The following DMD variants were observed in gnomAD, a reference collection of about 807,000 sequenced individuals.
The protein encoded by DMD is mutant dystrophin.
DMD carries 63 observed loss-of-function variants against 330.1 expected under a neutral mutation model. The observed-to-expected ratio is 0.19, with a 90% CI of 0.16 to 0.24. DMD has a LOEUF of 0.24. Among genes scored for constraint, DMD ranks in the 10% least tolerant of loss-of-function variants. The pLI, the probability that DMD is intolerant of heterozygous loss-of-function variation, is 1.00. For missense variants in DMD, 3,344 were observed against 2,684.1 expected, an observed-to-expected ratio of 1.25 and a Z score of -5.43; for synonymous variants, 1,223 against 959.8, an observed-to-expected ratio of 1.27 and a Z score of -5.07.
intron 43 of DMD, among the ~76,000 whole-genome samples, chrX:32,241,177 G>T (rs891060445): frequency 8.9e-6 from 1 of 112,029 alleles, no homozygotes; most frequent in Non-Finnish European, 1.9e-5. Flanking sequence ...TCTATTGGAG[G>T]TCCATGTTCA....
chrX:31,282,394 C>T (rs1033829950), intron 62 of DMD, among the ~76,000 whole-genome samples: 1 of 111,094 alleles, frequency 9.0e-6, no homozygotes, highest in Non-Finnish European at 1.9e-5. Context: ...CTCTACCTTC[C>T]TACCCTTTGA....
intron 11 of DMD, among the ~76,000 whole-genome samples, chrX:32,642,592 C>G (rs755851258): frequency 8.9e-6 from 1 of 111,897 alleles, no homozygotes; most frequent in South Asian, 3.7e-4. Context: ...GAATGAACAT[C>G]TTTTTAAATG....
chrX:31,571,147 T>C, intron 55 of DMD, among the ~76,000 whole-genome samples: 1 of 111,352 alleles, frequency 9.0e-6, no homozygotes, highest in Non-Finnish European at 1.9e-5. Context: ...CTCAATAGCA[T>C]TGTTAAATAA....
chrX:31,481,336 T>C (rs1015319301), intron 57 of DMD, among the ~76,000 whole-genome samples: 2 of 111,755 alleles, frequency 1.8e-5, no homozygotes, highest in South Asian at 3.8e-4. Flanking sequence ...ATACAGAGTA[T>C]GTATTTGAGA....
intron 48 of DMD, among the ~76,000 whole-genome samples, chrX:31,863,226 C>T (rs924500761): frequency 2.7e-5 from 3 of 112,210 alleles, no homozygotes; most frequent in African/African-American, 9.7e-5. Flanking sequence ...GCCTGTAGTC[C>T]CAGCTGCTCG....
At chrX:33,105,111 A>G (rs1253866496) in intron 1 of DMD, among the ~76,000 whole-genome samples, 1 of 112,248 alleles carries the variant, frequency 8.9e-6, no homozygotes, top group African/African-American at 3.2e-5. Context: ...TAGAGAAGCC[A>G]GAAGTGAAGC....
intron 7 of DMD, among the ~76,000 whole-genome samples, chrX:32,741,281 T>C (rs1215315325): frequency 2.7e-5 from 3 of 111,684 alleles, no homozygotes; most frequent in African/African-American, 9.7e-5. Flanking sequence ...CTGACATTTC[T>C]AGGTCAAAAG....
chrX:33,155,319 CTTT>C (rs765047079), intron 1 of DMD, among the ~76,000 whole-genome samples: 1 of 97,898 alleles, frequency 1.0e-5, no homozygotes, highest in Non-Finnish European at 2.1e-5. Flanking sequence ...GAGCCTTTCT[CTTT>C]TTTTTTTTTT....
At chrX:32,189,111 A>G (rs913397729) in intron 44 of DMD, among the ~76,000 whole-genome samples, 11 of 110,570 alleles carry the variant, frequency 9.9e-5, no homozygotes, top group African/African-American at 2.9e-4. Flanking sequence ...AAATTATTTC[A>G]CAGATTTTAA....
chrX:32,045,555 G>A (rs1455217972), intron 44 of DMD, among the ~76,000 whole-genome samples: 1 of 109,841 alleles, frequency 9.1e-6, no homozygotes, highest in Non-Finnish European at 1.9e-5. Context: ...ACCCAGTCTC[G>A]GCTATTTCTT....
intron 29 of DMD, among the ~76,000 whole-genome samples, chrX:32,423,610 T>A (rs753923461): frequency 9.0e-5 from 10 of 110,746 alleles, no homozygotes; most frequent in African/African-American, 3.3e-4. Flanking sequence ...TATATAATAT[T>A]TCGGAAAAGT....
At chrX:32,577,909 G>A (rs752388509) in intron 13 of DMD, among the ~76,000 whole-genome samples, 14 of 112,266 alleles carry the variant, frequency 1.2e-4, no homozygotes, top group Non-Finnish European at 2.3e-4. Context: ...TTTTTGTGAT[G>A]CCATATGCAC....
chrX:32,260,218 G>C (rs16990185), intron 43 of DMD, among the ~76,000 whole-genome samples: 1,121 of 111,094 alleles, frequency 0.01, 13 homozygotes, highest in African/African-American at 0.035. Context: ...GCTCTCCTTT[G>C]TCAATACCTC....
intron 29 of DMD, among the ~76,000 whole-genome samples, chrX:32,435,211 GAT>G (rs57151769): frequency 3.2e-5 from 3 of 94,707 alleles, no homozygotes; most frequent in Non-Finnish European, 6.3e-5. Flanking sequence ...CCCTCAGTGG[GAT>G]ATATATATAT....
intron 50 of DMD, among the ~76,000 whole-genome samples, chrX:31,814,069 T>G (rs2092540758): frequency 9.0e-6 from 1 of 110,904 alleles, no homozygotes; most frequent in East Asian, 2.8e-4. Flanking sequence ...GTAGCACAAC[T>G]GAGATATCAG....
chrX:31,970,489 A>G (rs996805676), intron 44 of DMD, among the ~76,000 whole-genome samples: 1 of 111,462 alleles, frequency 9.0e-6, no homozygotes, highest in East Asian at 2.8e-4. Flanking sequence ...AAGCAAGGTG[A>G]TCAACAAATG....
At chrX:32,258,661 C>G (rs757754578) in intron 43 of DMD, among the ~76,000 whole-genome samples, 5 of 108,903 alleles carry the variant, frequency 4.6e-5, no homozygotes, top group Non-Finnish European at 7.6e-5. Flanking sequence ...CGGGGCCTCT[C>G]AGGGGATGGG....
At chrX:32,570,289 A>G in intron 15 of DMD, among the ~76,000 whole-genome samples, 1 of 111,953 alleles carries the variant, frequency 8.9e-6, no homozygotes, top group Non-Finnish European at 1.9e-5. Flanking sequence ...TTAAATTCTT[A>G]TTCACTGCCT....
At chrX:32,866,674 T>C (rs2082503428) in intron 2 of DMD, among the ~76,000 whole-genome samples, 1 of 100,571 alleles carries the variant, frequency 9.9e-6, no homozygotes, top group African/African-American at 3.7e-5. Context: ...TTCATAGAAA[T>C]TTTTTAAATA....
Sources: gnomAD v4.1 joint callset for allele counts (sites outside exome capture counted in the v4.1 genomes callset) on GRCh38, gnomAD v4.1.1 for gene constraint, MANE v1.5 for transcripts, NCBI Gene and HGNC (gene_info 2026-07-23, HGNC 2026-07-21) for gene names.